LINGO2: variants seen among roughly 807,000 people sequenced by gnomAD.
LINGO2 encodes leucine rich repeat and Ig domain containing 2, also known as leucine-rich repeat and immunoglobulin-like domain-containing nogo receptor-interacting protein 2.
In LINGO2, 14 loss-of-function variants were observed where a neutral mutation model predicts 30.6. That is an observed-to-expected ratio of 0.46 (90% CI 0.30 to 0.72). The LOEUF is 0.72. LINGO2 is among the 30% of genes least tolerant of loss of function. The pLI, the probability that LINGO2 is intolerant of heterozygous loss-of-function variation, is 0.07. For missense variants in LINGO2, 729 were observed against 751.7 expected (o/e 0.97, Z 0.35); for synonymous variants, 317 against 288.5 (o/e 1.10, Z -1.00).
At position 28,336,762 on chromosome 9, in the gene LINGO2, C is replaced by T. The variant is rs532403447; in HGVS notation, c.-246+36074G>A. Among the ~76,000 whole-genome samples the T allele has an allele frequency of 7.2e-5, 11 of 151,886 alleles. 1 individual carries two copies. The highest frequency in any genetic ancestry group is 7.4e-5 in the Non-Finnish European group (5 of 67,956). On this transcript the variant is annotated intron_variant, in intron 3 of 5. Transcript: ENST00000379992. ...AGAAGCATGGTTGTGATAAGCTGTT[C>T]GTTTAATCATTACCAGTGCAAATTG... is the stretch of plus-strand genomic sequence containing the variant.
chr9:29,196,233 T>C, the LINGO2 span, among the ~76,000 whole-genome samples: 1 of 152,000 alleles, frequency 6.6e-6, no homozygotes, highest in Admixed American at 6.5e-5. Context: ...CCACATAACT[T>C]CCAATTTTCA....
At chr9:28,176,609 G>C (rs1276603163) in intron 4 of LINGO2, among the ~76,000 whole-genome samples, 1 of 152,122 alleles carries the variant, frequency 6.6e-6, no homozygotes, top group African/African-American at 2.4e-5. Context: ...CAAAATGCTT[G>C]CACATATATT....
At chr9:29,044,202 G>T in the LINGO2 span, among the ~76,000 whole-genome samples, 1 of 151,798 alleles carries the variant, frequency 6.6e-6, no homozygotes, top group African/African-American at 2.4e-5. Flanking sequence ...ATTATAACAT[G>T]GATGGCACAA....
the LINGO2 span, among the ~76,000 whole-genome samples, chr9:29,207,380 T>C: frequency 5.3e-5 from 8 of 152,066 alleles, no homozygotes; most frequent in African/African-American, 1.9e-4. Context: ...AGTAGATAAG[T>C]ATCTTGCAGC....
At chr9:28,494,705 T>A (rs965626855) in intron 1 of LINGO2, among the ~76,000 whole-genome samples, 6 of 152,238 alleles carry the variant, frequency 3.9e-5, no homozygotes, top group African/African-American at 1.4e-4. Flanking sequence ...TAAAGCAGCA[T>A]GATTTATAAT....
chr9:29,149,105 T>A, the LINGO2 span, among the ~76,000 whole-genome samples: 1 of 152,088 alleles, frequency 6.6e-6, no homozygotes, highest in Non-Finnish European at 1.5e-5. Flanking sequence ...GTCACAAAGC[T>A]CCACAGTTCA....
chr9:29,104,908 A>G, the LINGO2 span, among the ~76,000 whole-genome samples: 1 of 152,184 alleles, frequency 6.6e-6, no homozygotes. Context: ...TAACAAGAGG[A>G]TTATAAAATG....
chr9:28,654,116 A>C (rs140371463), intron 1 of LINGO2, among the ~76,000 whole-genome samples: 164 of 152,262 alleles, frequency 1.1e-3, no homozygotes, highest in South Asian at 2.5e-3. Flanking sequence ...GCAGAAAAGA[A>C]ACTTTCCAAA....
chr9:28,612,790 A>C (rs1468436471), intron 1 of LINGO2, among the ~76,000 whole-genome samples: 1 of 152,142 alleles, frequency 6.6e-6, no homozygotes, highest in Non-Finnish European at 1.5e-5. Flanking sequence ...GACTGTTGAG[A>C]AAGCATGATT....
chr9:28,912,762 T>C, the LINGO2 span, among the ~76,000 whole-genome samples: 1 of 152,202 alleles, frequency 6.6e-6, no homozygotes, highest in Non-Finnish European at 1.5e-5. Flanking sequence ...TCCTTAAATA[T>C]ATTTCATGCT....
At chr9:28,737,674 T>A in the LINGO2 span, among the ~76,000 whole-genome samples, 1 of 152,170 alleles carries the variant, frequency 6.6e-6, no homozygotes, top group African/African-American at 2.4e-5. Context: ...TCTTTTCTCC[T>A]GAAACAAGCC....
intron 4 of LINGO2, among the ~76,000 whole-genome samples, chr9:28,291,296 T>C (rs7023562): frequency 0.073 from 11,083 of 152,154 alleles, 722 homozygotes; most frequent in East Asian, 0.38. Context: ...TTGAGATCAT[T>C]AGGCATTGAA....
At chr9:28,387,325 T>G (rs1228768112) in intron 2 of LINGO2, among the ~76,000 whole-genome samples, 2 of 151,304 alleles carry the variant, frequency 1.3e-5, no homozygotes, top group African/African-American at 4.9e-5. Flanking sequence ...ACGCACCAAT[T>G]GGCGCTCTGT....
intron 1 of LINGO2, among the ~76,000 whole-genome samples, chr9:28,596,904 C>G (rs532622355): frequency 1.4e-4 from 22 of 152,130 alleles, no homozygotes; most frequent in Non-Finnish European, 3.1e-4. Context: ...ACCCGGTAAA[C>G]AAGCCAGGCT....
At chr9:28,874,644 T>C in the LINGO2 span, among the ~76,000 whole-genome samples, 1 of 152,100 alleles carries the variant, frequency 6.6e-6, no homozygotes, top group Admixed American at 6.6e-5. Context: ...GCTTTGAATC[T>C]AGAATTTGCC....
At chr9:28,565,378 C>G (rs1458528968) in intron 1 of LINGO2, among the ~76,000 whole-genome samples, 1 of 150,992 alleles carries the variant, frequency 6.6e-6, no homozygotes, top group Non-Finnish European at 1.5e-5. Context: ...TTAGTAGAGA[C>G]GGGGTTTCAC....
At chr9:28,305,478 A>G (rs917272270) in intron 3 of LINGO2, among the ~76,000 whole-genome samples, 3 of 152,066 alleles carry the variant, frequency 2.0e-5, no homozygotes, top group Non-Finnish European at 4.4e-5. Context: ...AATCTACACA[A>G]AAAGTACCAG....
the LINGO2 span, among the ~76,000 whole-genome samples, chr9:28,759,256 G>C: frequency 1.3e-5 from 2 of 152,060 alleles, no homozygotes; most frequent in African/African-American, 2.4e-5. Context: ...AAAGATGATG[G>C]ACACTGTAGA....
At chr9:28,760,957 T>TACACACACACACATACAC in the LINGO2 span, among the ~76,000 whole-genome samples, 4 of 148,888 alleles carry the variant, frequency 2.7e-5, no homozygotes, top group Non-Finnish European at 6.0e-5. Flanking sequence ...CACACACACA[T>TACACACACACACATACAC]ACACACACAC....
Sources: gnomAD v4.1 joint callset for allele counts (sites outside exome capture counted in the v4.1 genomes callset) on GRCh38, gnomAD v4.1.1 for gene constraint, MANE v1.5 for transcripts, NCBI Gene and HGNC (gene_info 2026-07-23, HGNC 2026-07-21) for gene names.